Variants in CSPP1 observed in about 807,000 individuals in gnomAD.
CSPP1 encodes the protein centrosome and spindle pole associated protein 1.
In CSPP1, 126 loss-of-function variants were observed where a neutral mutation model predicts 164.4. The observed-to-expected ratio is 0.77, with a 90% confidence interval of 0.66 to 0.89. CSPP1 has a LOEUF of 0.89. Ranked by LOEUF, CSPP1 falls within the 40% of genes least tolerant of loss-of-function variation. The probability of loss-of-function intolerance (pLI) is 0.00; values close to 1 mark genes in which losing one functional copy is unlikely to be tolerated. For missense variants in CSPP1, 1,395 were observed against 1,449.8 expected, an observed-to-expected ratio of 0.96 and a Z score of 0.61; for synonymous variants, 472 against 476.7, an observed-to-expected ratio of 0.99 and a Z score of 0.13.
intron 26 of CSPP1, among the ~76,000 whole-genome samples, chr8:67,175,799 A>G (rs183883883): frequency 4.6e-5 from 7 of 152,364 alleles, no homozygotes; most frequent in Admixed American, 3.3e-4. Context: ...CTACTGTGCC[A>G]TGTCAGGCAT....
chr8:67,090,849 CA>C lies in CSPP1; in HGVS notation c.304-952del, dbSNP rs1214827142. Among the ~76,000 whole-genome samples the C allele has an allele frequency of 2.0e-5, 3 of 152,204 alleles. No homozygotes were observed. The East Asian group carries it at 5.8e-4, about 29-fold the overall frequency. ...AAAGGCATGGAATTAGGCAGGTTGA[CA>C]ATTATTGATTGATTTTATCCTTATA... On this transcript the variant is annotated intron_variant, in intron 4 of 30. Coordinates refer to ENST00000678616, the MANE Select transcript of CSPP1 (RefSeq NM_001382391.1).
chr8:67,195,600 C>A lies in CSPP1; in HGVS notation c.*7C>A. 1 of 1,612,524 alleles carries A rather than the reference C, an allele frequency of 6.2e-7. No homozygotes were observed. Among genetic ancestry groups the A allele is most frequent in the Non-Finnish European group, 8.5e-7 (1 of 1,178,722 alleles). ...GTCGACTGCACATGGTTAAAATAAA[C>A]CTGTACTGGACCCAGTAGTGCCTTT... On this transcript the variant is annotated 3_prime_UTR_variant, in exon 31 of 31. Transcript: ENST00000678616.
chr8:67,132,122 G>A (rs1403596276), intron 16 of CSPP1, 42 bp downstream of exon 16: 3 of 1,566,580 alleles, frequency 1.9e-6, no homozygotes, highest in East Asian at 4.6e-5. Flanking sequence ...CCTCTTAAGT[G>A]TAAGCATGGT....
intron 7 of CSPP1, 116 bp from the exon 8 acceptor site, chr8:67,102,921 T>C (rs1245871981): frequency 1.9e-6 from 1 of 520,328 alleles, no homozygotes; most frequent in African/African-American, 2.0e-5. Flanking sequence ...TAGTAAAACT[T>C]CATTATAACA....
At position 67,088,492 on chromosome 8, in the gene CSPP1, A is replaced by T. The variant is rs573346805; in HGVS notation, c.303+2382A>T. ...TTTAGTAGAGACGGGGTTTCACCAT[A>T]TTGGCCAGGCTGGTCTCAAACTCCT... On this transcript the variant is annotated intron_variant, in intron 4 of 30. Coordinates refer to ENST00000678616, the MANE Select transcript of CSPP1 (RefSeq NM_001382391.1). Among the ~76,000 whole-genome samples, 3 of 151,416 alleles carry T rather than the reference A, an allele frequency of 2.0e-5. No individual in the cohort carries two copies. In the South Asian group the frequency reaches 6.3e-4, roughly 32 times the overall value.
Position 67,086,069 on chromosome 8 carries a change from A to G in CSPP1, c.262A>G (p.Lys88Glu), listed in dbSNP as rs1332974255. ...EDYERKKHKL[K>E]EELRQDYRRY... The stretch of plus-strand genomic sequence containing the variant: ...CTATGAACGGAAGAAACATAAATTA[A>G]AAGAAGAATTGCGGCAAGATTACAG... Residue 88 changes from lysine (K) to glutamate (E), a missense_variant, in exon 4 of 31, where the codon AAA becomes GAA. Physicochemically the swap from Lys to Glu is moderately conservative, Grantham distance 56 (BLOSUM62 1). Transcript: ENST00000678616. The G allele has an allele frequency of 5.3e-6, 8 of 1,522,532 alleles. No homozygotes were observed. The highest frequency in any genetic ancestry group is 1.4e-5 in the African/African-American group (1 of 73,192). 94.3% of individuals were successfully genotyped at this position (1,522,532 alleles called of 1,614,324 possible).
At chr8:67,103,688 G>T (rs1814662376) in intron 8 of CSPP1, among the ~76,000 whole-genome samples, 1 of 151,272 alleles carries the variant, frequency 6.6e-6, no homozygotes, top group Admixed American at 6.6e-5. Context: ...AGCCAGGCGT[G>T]GCAATCCCTG....
chr8:67,064,812 C>T, intron 1 of CSPP1: 1 of 293,690 alleles, frequency 3.4e-6, no homozygotes, highest in Non-Finnish European at 6.4e-6. Context: ...GCATCGGTGA[C>T]TACGAGTTAT....
chr8:67,111,076 G>A (rs1268617675), intron 9 of CSPP1, among the ~76,000 whole-genome samples: 1 of 152,150 alleles, frequency 6.6e-6, no homozygotes, highest in Admixed American at 6.5e-5. Context: ...CCCACTGATG[G>A]TTGGAGACCA....
rs1587004499 is a variant in CSPP1 at position 67,196,527 on chromosome 8, T to G, written c.*934T>G. On this transcript the variant is annotated 3_prime_UTR_variant, in exon 31 of 31. Coordinates refer to ENST00000678616, the MANE Select transcript of CSPP1 (RefSeq NM_001382391.1). ...TGAGAACATCCCCAGGCACTGCTTC[T>G]CTCTCTAATAATACTTCCTCTGATG... is the stretch of plus-strand genomic sequence containing the variant. Among the ~76,000 whole-genome samples, 1 of 152,304 alleles carries G rather than the reference T, an allele frequency of 6.6e-6. No homozygotes were observed. Among genetic ancestry groups the G allele is most frequent in the Non-Finnish European group, 1.5e-5 (1 of 68,022 alleles).
chr8:67,095,212 G>T, intron 6 of CSPP1, 81 bp from the exon 7 acceptor site: 1 of 721,544 alleles, frequency 1.4e-6, no homozygotes, highest in South Asian at 2.5e-5. Context: ...GATAGACTAA[G>T]TATAAATTGA....
intron 4 of CSPP1, among the ~76,000 whole-genome samples, chr8:67,087,535 T>G (rs1238974880): frequency 1.3e-5 from 2 of 152,132 alleles, no homozygotes; most frequent in Non-Finnish European, 2.9e-5. Context: ...TTCTATTTTG[T>G]GAGGCAATCT....
chr8:67,171,973 G>A (rs1443194626), intron 24 of CSPP1, among the ~76,000 whole-genome samples: 5 of 151,914 alleles, frequency 3.3e-5, no homozygotes, highest in South Asian at 2.1e-4. Context: ...TCAGCCTCCC[G>A]AGTAGCTGGG....
chr8:67,147,386 C>T (rs1463778245), intron 17 of CSPP1, among the ~76,000 whole-genome samples: 1 of 152,016 alleles, frequency 6.6e-6, no homozygotes, highest in Admixed American at 6.6e-5. Context: ...CTATTTATTT[C>T]TTCTTTCTAC....
At chr8:67,190,909 C>T (rs1221855201) in intron 29 of CSPP1, 150 bp downstream of exon 29, 1 of 612,130 alleles carries the variant, frequency 1.6e-6, no homozygotes, top group Non-Finnish European at 2.9e-6. Flanking sequence ...ACTGGATGAC[C>T]TTGGGTAGCT....
At chr8:67,136,220 A>T (rs983823547) in intron 16 of CSPP1, among the ~76,000 whole-genome samples, 4 of 152,166 alleles carry the variant, frequency 2.6e-5, no homozygotes, top group Non-Finnish European at 5.9e-5. Context: ...CATTGGAAAA[A>T]TGGTACTGAT....
At chr8:67,162,924 T>C (rs1828655639) in intron 22 of CSPP1, among the ~76,000 whole-genome samples, 1 of 152,216 alleles carries the variant, frequency 6.6e-6, no homozygotes, top group Non-Finnish European at 1.5e-5. Context: ...TGGACTCGAT[T>C]TGTAGTTCTG....
At chr8:67,084,599 C>T (rs183134638) in intron 3 of CSPP1, among the ~76,000 whole-genome samples, 346 of 151,952 alleles carry the variant, frequency 2.3e-3, no homozygotes, top group Non-Finnish European at 2.5e-3. Flanking sequence ...TTTGGCCAGG[C>T]GTGGTGGTGC....
chr8:67,104,962 ATATATTTTT>A (rs1160934960), intron 8 of CSPP1, among the ~76,000 whole-genome samples: 13 of 88,594 alleles, frequency 1.5e-4, no homozygotes, highest in African/African-American at 6.7e-4. Context: ...ATATATATAT[ATATATTTTT>A]TTTTTTTTTT....
Sources: allele counts gnomAD v4.1 joint callset (sites outside exome capture counted in the v4.1 genomes callset), GRCh38; gene constraint gnomAD v4.1.1; transcripts MANE v1.5; gene names NCBI Gene and HGNC (gene_info 2026-07-23, HGNC 2026-07-21).